Variants in NEK7 observed in about 807,000 individuals in gnomAD.
NEK7 encodes the protein NIMA related kinase 7.
In NEK7, 18 loss-of-function variants were observed where a neutral mutation model predicts 44.6. That is an observed-to-expected ratio of 0.40 (90% CI 0.28 to 0.60). NEK7 has a LOEUF of 0.60. NEK7 is among the 20% of genes least tolerant of loss of function. The pLI, the probability that NEK7 is intolerant of heterozygous loss-of-function variation, is 0.38. For missense variants in NEK7, 256 were observed against 366.5 expected, an observed-to-expected ratio of 0.70 and a Z score of 2.46; for synonymous variants, 130 against 121.1, an observed-to-expected ratio of 1.07 and a Z score of -0.48.
At chr1:198,208,273 G>T (rs1665656025) in intron 1 of NEK7, among the ~76,000 whole-genome samples, 1 of 152,210 alleles carries the variant, frequency 6.6e-6, no homozygotes. Flanking sequence ...AGCGTAAGAT[G>T]TTATCTTCCT....
intron 5 of NEK7, among the ~76,000 whole-genome samples, chr1:198,267,555 T>A (rs1479291787): frequency 6.6e-6 from 1 of 152,088 alleles, no homozygotes; most frequent in Non-Finnish European, 1.5e-5. Flanking sequence ...GCAATTCTCC[T>A]GTCTCTGCCT....
At chr1:198,224,696 G>C (rs1215320376) in intron 1 of NEK7, among the ~76,000 whole-genome samples, 2 of 151,796 alleles carry the variant, frequency 1.3e-5, no homozygotes, top group African/African-American at 2.4e-5. Flanking sequence ...AAATAAATTA[G>C]TATGTATTTT....
chr1:198,294,739 A>G (rs888692815), intron 8 of NEK7, among the ~76,000 whole-genome samples: 8 of 152,188 alleles, frequency 5.3e-5, no homozygotes, highest in African/African-American at 1.9e-4. Flanking sequence ...ACATTTCTAC[A>G]TCCATGAGTT....
intron 7 of NEK7, among the ~76,000 whole-genome samples, chr1:198,287,438 T>C (rs16842692): frequency 0.2 from 30,296 of 152,078 alleles, 3,608 homozygotes; most frequent in African/African-American, 0.32. Context: ...AGAGGTTCTG[T>C]GGAAGAGGTT....
rs1655521855 is a variant in NEK7, at chr1:198,321,083, G to A, written c.*1561G>A. ...CCAACGTGAAAACCTCATGTTCAAA[G>A]AACACTTCCCTTTAGCCGATGTAAC... On this transcript the variant is annotated 3_prime_UTR_variant, in exon 10 of 10. Coordinates refer to ENST00000367385, the MANE Select transcript of NEK7 (RefSeq NM_133494.3). The A allele has an allele frequency of 6.6e-6, 1 of 152,184 alleles. No homozygotes were observed. Among genetic ancestry groups the A allele is most frequent in the South Asian group, 2.1e-4 (1 of 4,836 alleles). 9.4% of individuals were successfully genotyped at this position (152,184 alleles called of 1,614,324 possible). A position where few individuals can be genotyped will look rare whatever the true frequency, so the allele number is the denominator to read the frequency against.
chr1:198,310,196 G>A (rs1207869251), intron 9 of NEK7, among the ~76,000 whole-genome samples: 4 of 152,174 alleles, frequency 2.6e-5, no homozygotes, highest in East Asian at 1.9e-4. Flanking sequence ...GATGGCCAGC[G>A]ATGGTGAGCA....
At chr1:198,230,744 G>A (rs1375164434) in intron 1 of NEK7, among the ~76,000 whole-genome samples, 2 of 151,620 alleles carry the variant, frequency 1.3e-5, no homozygotes, top group Admixed American at 1.3e-4. Context: ...CAAGATACAG[G>A]GTCAATATAC....
At chr1:198,164,815 T>C (rs1664218025) in intron 1 of NEK7, among the ~76,000 whole-genome samples, 1 of 152,212 alleles carries the variant, frequency 6.6e-6, no homozygotes, top group South Asian at 2.1e-4. Flanking sequence ...CAATTGACTC[T>C]TTCTTTCATG....
At chr1:198,250,039 C>G (rs893225716) in intron 2 of NEK7, among the ~76,000 whole-genome samples, 20 of 144,404 alleles carry the variant, frequency 1.4e-4, no homozygotes, top group Non-Finnish European at 1.8e-4. Flanking sequence ...TTTAATCCAT[C>G]TTGAATTGAT....
intron 6 of NEK7, among the ~76,000 whole-genome samples, chr1:198,278,461 A>C (rs937747177): frequency 1.3e-5 from 2 of 149,908 alleles, no homozygotes; most frequent in African/African-American, 5.1e-5. Flanking sequence ...TTACATCAAT[A>C]AGTAATTGAT....
At chr1:198,181,078 G>A (rs1664753369) in intron 1 of NEK7, among the ~76,000 whole-genome samples, 1 of 151,986 alleles carries the variant, frequency 6.6e-6, no homozygotes, top group African/African-American at 2.4e-5. Flanking sequence ...CTACTTTGAT[G>A]AGATAACTAA....
At chr1:198,231,297 G>GTATATATATATATCTATATATATATATA (rs1236094292) in intron 1 of NEK7, among the ~76,000 whole-genome samples, 1 of 90,212 alleles carries the variant, frequency 1.1e-5, no homozygotes, top group Non-Finnish European at 2.1e-5. Flanking sequence ...GTGTATGTGT[G>GTATATATATATATCTATATATATATATA]TGTGTATATA....
chr1:198,173,509 C>A (rs1664512683), intron 1 of NEK7, among the ~76,000 whole-genome samples: 1 of 150,370 alleles, frequency 6.7e-6, no homozygotes, highest in South Asian at 2.1e-4. Flanking sequence ...TAAAATTTAA[C>A]TTGTTATTTG....
intron 7 of NEK7, among the ~76,000 whole-genome samples, chr1:198,289,173 A>AT (rs1654470971): frequency 6.6e-6 from 1 of 150,984 alleles, no homozygotes; most frequent in Non-Finnish European, 1.5e-5. Flanking sequence ...GTGTGTTTAT[A>AT]TCGAACTGAG....
intron 1 of NEK7, among the ~76,000 whole-genome samples, chr1:198,175,699 T>C (rs1664585351): frequency 6.6e-6 from 1 of 152,222 alleles, no homozygotes; most frequent in Non-Finnish European, 1.5e-5. Flanking sequence ...TGTAATAGCA[T>C]TCTGTGTCCA....
At chr1:198,162,662 G>A (rs765955835) in intron 1 of NEK7, among the ~76,000 whole-genome samples, 1 of 152,088 alleles carries the variant, frequency 6.6e-6, no homozygotes, top group African/African-American at 2.4e-5. Context: ...CACCCACTCT[G>A]CCTTGGCCCA....
intron 8 of NEK7, among the ~76,000 whole-genome samples, chr1:198,295,334 C>T (rs960015143): frequency 1.3e-5 from 2 of 152,092 alleles, no homozygotes; most frequent in African/African-American, 2.4e-5. Flanking sequence ...TTCGTCCCTC[C>T]GACACCCCCA....
chr1:198,164,914 C>T (rs1257734435), intron 1 of NEK7, among the ~76,000 whole-genome samples: 1 of 152,134 alleles, frequency 6.6e-6, no homozygotes, highest in Non-Finnish European at 1.5e-5. Context: ...CCTCTCAAAC[C>T]CTGCTGCTGC....
intron 9 of NEK7, among the ~76,000 whole-genome samples, chr1:198,300,683 T>G (rs980312129): frequency 4.0e-5 from 6 of 151,808 alleles, no homozygotes; most frequent in East Asian, 3.9e-4. Flanking sequence ...CTCTAGGGCC[T>G]GGGGCCTGAC....
Sources: allele counts gnomAD v4.1 joint callset (sites outside exome capture counted in the v4.1 genomes callset), GRCh38; gene constraint gnomAD v4.1.1; transcripts MANE v1.5; gene names NCBI Gene and HGNC (gene_info 2026-07-23, HGNC 2026-07-21).